CERS1: variants seen among roughly 807,000 people sequenced by gnomAD.
The protein encoded by CERS1 is ceramide synthase 1, also known as Embryonic growth/differentiation factor 1.
A neutral mutation model predicts 35.7 loss-of-function variants in CERS1; 16 were observed. That is an observed-to-expected ratio of 0.45 (90% CI 0.30 to 0.68). The LOEUF (loss-of-function observed/expected upper bound fraction) is 0.68, where lower values mean the gene tolerates loss of function less well. Ranked by LOEUF, CERS1 falls within the 30% of genes least tolerant of loss-of-function variation. The pLI is 0.08. For missense variants in CERS1, 454 were observed against 453.9 expected, an observed-to-expected ratio of 1.00 and a Z score of 0.00; for synonymous variants, 243 against 201.6, an observed-to-expected ratio of 1.21 and a Z score of -1.74.
At position 18,868,657 on chromosome 19, in the gene CERS1, G is replaced by A. The variant is rs780686644; in HGVS notation, c.*1328C>T. ...CATACTGCCGCAGCACCACGTTGTC[G>A]CTGTTGTCAAAGAAGAGCACGGAGA... On this transcript the variant is annotated 3_prime_UTR_variant, in exon 8 of 8. Transcript: ENST00000623882. The A allele has an allele frequency of 4.4e-6, 7 of 1,575,198 alleles. No homozygotes were observed. The East Asian group carries it at 1.6e-4, about 37-fold the overall frequency.
intron 7 of CERS1, 75 bp downstream of exon 7, chr19:18,869,908 C>A (rs2055934094): frequency 6.9e-7 from 1 of 1,441,756 alleles, no homozygotes; most frequent in South Asian, 1.2e-5. Flanking sequence ...CTCGGGCATC[C>A]CCGGGCCACT....
chr19:18,896,799 GGGCACTTCCCA>G (rs1568310218), upstream of CERS1: 1 of 152,396 alleles, frequency 6.6e-6, no homozygotes, highest in African/African-American at 2.4e-5. This position sits in a 1 kb window ranked among gnomAD's most constrained non-coding sequence, Gnocchi z 5.9. Flanking sequence ...CGGGTACCCT[GGGCACTTCCCA>G]GGCATCTTCT....
intron 6 of CERS1, chr19:18,877,956 G>C (rs1248941785): frequency 2.4e-5 from 24 of 982,852 alleles, no homozygotes; most frequent in Non-Finnish European, 2.9e-5. Flanking sequence ...CTACACCCAA[G>C]GCGAATCTGA....
At chr19:18,896,957 A>C (rs2056635455), upstream of CERS1, among the ~76,000 whole-genome samples, 1 of 151,748 alleles carries the variant, frequency 6.6e-6, no homozygotes, top group Non-Finnish European at 1.5e-5. This position sits in a 1 kb window ranked among gnomAD's most constrained non-coding sequence, Gnocchi z 5.9. Context: ...AGGTTAATAC[A>C]TGAGTTGCAG....
chr19:18,895,318 G>A lies in CERS1; in HGVS notation c.249+506C>T, dbSNP rs543863855. ...GAAAACGGGCAGCGGACCTCGCTCC[G>A]GGCCGGGGCGCAGCCCGCATGGCAG... On this transcript the variant is annotated intron_variant, in intron 1 of 7. Transcript: ENST00000623882. This position sits in a 1 kb window ranked among gnomAD's most constrained non-coding sequence, Gnocchi z 6.4. Among the ~76,000 whole-genome samples the A allele has an allele frequency of 6.6e-6, 1 of 152,326 alleles. No individual in the cohort carries two copies. The highest frequency in any genetic ancestry group is 2.1e-4 in the South Asian group (1 of 4,830).
At position 18,884,226 on chromosome 19, in the gene CERS1, C is replaced by T. The variant is rs762045329; in HGVS notation, c.451G>A (p.Ala151Thr). The T allele has an allele frequency of 2.5e-6, 4 of 1,613,348 alleles. No homozygotes were observed. Among genetic ancestry groups the T allele is most frequent in the African/African-American group, 2.7e-5 (2 of 74,990 alleles). ...GMAVPRDIAA[A>T]YLLQGSFYGH... ...TAGAAGCTTCCCTGGAGCAGGTAGG[C>T]GGCTGCAATGTCCCGTGGCACTGCC... The change falls in exon 3 of 8, where the codon GCC (alanine) becomes ACC (threonine). Residue 151 changes from alanine to threonine, a missense_variant. By Grantham distance (58) the Ala-to-Thr change is moderately conservative. Transcript: ENST00000623882.
intron 2 of CERS1, among the ~76,000 whole-genome samples, chr19:18,885,736 G>A (rs2056340340): frequency 6.7e-6 from 1 of 148,292 alleles, no homozygotes; most frequent in Non-Finnish European, 1.5e-5. Flanking sequence ...GGCCAGGCTG[G>A]TCTTGAACTC....
At chr19:18,890,898 C>A (rs192197023) in intron 2 of CERS1, among the ~76,000 whole-genome samples, 4 of 148,086 alleles carry the variant, frequency 2.7e-5, no homozygotes, top group Non-Finnish European at 4.5e-5. Flanking sequence ...CTGAGGCGGG[C>A]GGATCACCTG....
chr19:18,878,694 C>T lies in CERS1; in HGVS notation c.1010+236G>A. The T allele has an allele frequency of 4.4e-6, 6 of 1,360,238 alleles. No individual in the cohort carries two copies. Among genetic ancestry groups the T allele is most frequent in the Non-Finnish European group, 4.8e-6 (5 of 1,052,244 alleles). The allele number at this position is 1,360,238 out of a possible 1,614,324, so 84.3% of individuals were successfully genotyped here. ...AGTGTCCCTACCGCTGAGACCCTGC[C>T]TGTCGCCCTGCCTGCCCCTCCCCAG... On this transcript the variant is annotated intron_variant, in intron 6 of 7. Coordinates refer to ENST00000623882, the MANE Select transcript of CERS1 (RefSeq NM_021267.5). This position sits in a 1 kb window ranked among gnomAD's most constrained non-coding sequence, Gnocchi z 4.6.
At chr19:18,877,252 G>A (rs1465835726) in intron 6 of CERS1, among the ~76,000 whole-genome samples, 3 of 152,170 alleles carry the variant, frequency 2.0e-5, no homozygotes, top group Non-Finnish European at 2.9e-5. Flanking sequence ...ATCCTCAGCG[G>A]GGACAGAGCC....
chr19:18,885,516 T>TG (rs1555705566), intron 2 of CERS1, among the ~76,000 whole-genome samples: 2 of 27,626 alleles, frequency 7.2e-5, no homozygotes, highest in Non-Finnish European at 7.7e-5. Context: ...TTCTCGTTTT[T>TG]TTTTTTTTTT....
rs374212260 is a variant in CERS1 at position 18,880,310 on chromosome 19, G to A, written c.716C>T (p.Ala239Val). Residue 239 changes from alanine to valine, a missense_variant, in exon 4 of 8, where the codon GCA becomes GTA. By Grantham distance (64) the Ala-to-Val change is moderately conservative (BLOSUM62 0). Coordinates refer to ENST00000623882, the MANE Select transcript of CERS1 (RefSeq NM_021267.5). ...GGSYHRLHAL[A>V]ADLGCLSFGF... Reference sequence around the variant, plus strand: ...GAAGCTGAGGCAGCCCAAGTCTGCTGCCAAGGCATGCAGCCGATGGTAGGA... The same window carrying A: ...GAAGCTGAGGCAGCCCAAGTCTGCTACCAAGGCATGCAGCCGATGGTAGGA... The A allele has an allele frequency of 8.3e-5, 129 of 1,552,516 alleles. No individual in the cohort carries two copies. The highest frequency in any genetic ancestry group is 1.1e-4 in the Non-Finnish European group (126 of 1,148,240).
At chr19:18,869,793 CCT>C (rs983675795) in intron 7 of CERS1, among the ~76,000 whole-genome samples, 188 bp downstream of exon 7, 1 of 152,110 alleles carries the variant, frequency 6.6e-6, no homozygotes, top group African/African-American at 2.4e-5. Context: ...TTGGGAACCC[CCT>C]GACATGTGTC....
Position 18,868,739 on chromosome 19 carries a change from G to A in CERS1, c.*1246C>T. The A allele has an allele frequency of 6.5e-7, 1 of 1,526,918 alleles. No individual in the cohort carries two copies. Among genetic ancestry groups the A allele is most frequent in the Non-Finnish European group, 8.8e-7 (1 of 1,133,036 alleles). 94.6% of individuals were successfully genotyped at this position (1,526,918 alleles called of 1,614,324 possible). ...CAGGTCGGCGGCTCCCGGGGCGGCC[G>A]CGTGCATGAGCGCGCGCAGCACAGC... is the stretch of plus-strand genomic sequence containing the variant. On this transcript the variant is annotated 3_prime_UTR_variant, in exon 8 of 8. Transcript: ENST00000623882.
Position 18,870,811 on chromosome 19 carries a change from G to A in CERS1, c.1011-192C>T, listed in dbSNP as rs1301747967. Among the ~76,000 whole-genome samples the A allele has an allele frequency of 6.7e-6, 1 of 150,176 alleles. No individual in the cohort carries two copies. Among genetic ancestry groups the A allele is most frequent in the Non-Finnish European group, 1.5e-5 (1 of 67,584 alleles). On this transcript the variant is annotated intron_variant, in intron 6 of 7. Coordinates refer to ENST00000623882, the MANE Select transcript of CERS1 (RefSeq NM_021267.5). This position sits in a 1 kb window ranked among gnomAD's most constrained non-coding sequence, Gnocchi z 5.1. Reference sequence around the variant, plus strand: ...CTTCACCCTGCCCCTCCTTCAACCTGCCCCGTAGGCACGTATGTCCCCCCT... The same window carrying A: ...CTTCACCCTGCCCCTCCTTCAACCTACCCCGTAGGCACGTATGTCCCCCCT...
chr19:18,870,414 C>T lies in CERS1; in HGVS notation c.*163G>A, dbSNP rs1290021910. On this transcript the variant is annotated 3_prime_UTR_variant, in exon 7 of 8. Transcript: ENST00000623882. This position sits in a 1 kb window ranked among gnomAD's most constrained non-coding sequence, Gnocchi z 5.1. ...CCGGAGGGGCAGGGGTCCTGGGGGG[C>T]GTGGCCGGGAACTGGAGGCAGGATG... The T allele has an allele frequency of 4.8e-6, 5 of 1,035,976 alleles. 1 individual carries two copies. The highest frequency in any genetic ancestry group is 5.2e-6 in the Non-Finnish European group (4 of 771,164). The allele number at this position is 1,035,976 out of a possible 1,614,324, so 64.2% of individuals were successfully genotyped here.
chr19:18,869,902 G>A, intron 7 of CERS1, 81 bp downstream of exon 7: 1 of 1,391,730 alleles, frequency 7.2e-7, no homozygotes, highest in Non-Finnish European at 9.9e-7. Context: ...GAGCTGCTCG[G>A]GCATCCCCGG....
chr19:18,886,363 CA>C (rs1349487318), intron 2 of CERS1, among the ~76,000 whole-genome samples: 1 of 152,092 alleles, frequency 6.6e-6, no homozygotes, highest in Non-Finnish European at 1.5e-5. Flanking sequence ...TCCTGGTTAA[CA>C]CAGTGAAACC....
At chr19:18,877,756 C>A (rs77909442) in intron 6 of CERS1, among the ~76,000 whole-genome samples, 808 of 103,888 alleles carry the variant, frequency 7.8e-3, no homozygotes, top group Middle Eastern at 0.01. Context: ...GACCCTGTCT[C>A]AAAAAAAAAA....
Sources: gnomAD v4.1 joint callset for allele counts (sites outside exome capture counted in the v4.1 genomes callset) on GRCh38, gnomAD v4.1.1 for gene constraint, Gnocchi (gnomAD v3.1) non-coding constraint, MANE v1.5 for transcripts, NCBI Gene and HGNC (gene_info 2026-07-23, HGNC 2026-07-21) for gene names.